Variants in AK9 observed in about 807,000 individuals in gnomAD.
AK9 encodes adenylate kinase 9.
Under a neutral mutation model 239.6 loss-of-function variants are expected in AK9, and 191 were observed. That is an observed-to-expected ratio of 0.80 (90% CI 0.71 to 0.90). The LOEUF is 0.90. Ranked by LOEUF, AK9 falls within the 40% of genes least tolerant of loss-of-function variation. The probability of loss-of-function intolerance (pLI) is 0.00; values close to 1 mark genes in which losing one functional copy is unlikely to be tolerated. For synonymous variants in AK9, 689 were observed against 721.0 expected (o/e 0.96, Z 0.71); for missense variants, 1,995 against 2,214.7 (o/e 0.90, Z 1.99).
intron 29 of AK9, among the ~76,000 whole-genome samples, chr6:109,525,308 C>T (rs753606404): frequency 6.6e-6 from 1 of 152,226 alleles, no homozygotes; most frequent in Middle Eastern, 3.4e-3. Context: ...CAAAAATTGA[C>T]AAGTGGGACC....
At chr6:109,640,140 T>G (rs1021881533) in intron 10 of AK9, among the ~76,000 whole-genome samples, 1 of 152,212 alleles carries the variant, frequency 6.6e-6, no homozygotes, top group Admixed American at 6.5e-5. Flanking sequence ...GGCTCTTTTT[T>G]GGTTCCATAT....
chr6:109,689,371 C>T (rs930847365), intron 1 of AK9, among the ~76,000 whole-genome samples: 11 of 152,130 alleles, frequency 7.2e-5, no homozygotes, highest in African/African-American at 2.7e-4. Flanking sequence ...TTTCTATGCA[C>T]GACCAGCCCA....
chr6:109,564,887 CATT>C, intron 21 of AK9, 42 bp from the exon 22 acceptor site: 1 of 1,403,036 alleles, frequency 7.1e-7, no homozygotes, highest in Non-Finnish European at 9.6e-7. Context: ...AATTTGAAAA[CATT>C]ATTCCTTTAT....
At chr6:109,555,376 C>T (rs1467325792) in intron 24 of AK9, among the ~76,000 whole-genome samples, 1 of 152,118 alleles carries the variant, frequency 6.6e-6, no homozygotes, top group African/African-American at 2.4e-5. Context: ...ATCTGAGAGA[C>T]TGTTTGTTAT....
At chr6:109,522,692 T>C (rs1322416580) in intron 29 of AK9, among the ~76,000 whole-genome samples, 1 of 152,196 alleles carries the variant, frequency 6.6e-6, no homozygotes, top group Non-Finnish European at 1.5e-5. Flanking sequence ...TGTTTTATGA[T>C]CAATTGTTCT....
chr6:109,612,399 C>T (rs990225819), intron 15 of AK9, among the ~76,000 whole-genome samples: 2 of 152,088 alleles, frequency 1.3e-5, no homozygotes, highest in African/African-American at 2.4e-5. Context: ...GATGTGCTTA[C>T]CTCAGAGACA....
chr6:109,599,817 AT>A (rs1200565792), intron 17 of AK9, among the ~76,000 whole-genome samples: 1 of 152,026 alleles, frequency 6.6e-6, no homozygotes, highest in Admixed American at 6.6e-5. Context: ...ATTCCTAGGT[AT>A]TTTATTCTCT....
intron 2 of AK9, 37 bp downstream of exon 2, chr6:109,675,592 T>TAAA (rs753132545): frequency 1.6e-5 from 20 of 1,255,332 alleles, no homozygotes; most frequent in Non-Finnish European, 2.0e-5. Context: ...ATTTTAAAAA[T>TAAA]AAAAAAAATT....
At chr6:109,536,688 C>G (rs1041270096) in intron 27 of AK9, among the ~76,000 whole-genome samples, 11 of 152,140 alleles carry the variant, frequency 7.2e-5, no homozygotes, top group Non-Finnish European at 1.5e-4. Context: ...TGCCAGTTTT[C>G]AAAGGGAATG....
chr6:109,622,990 CT>C (rs1213379170), intron 12 of AK9, among the ~76,000 whole-genome samples: 2 of 152,074 alleles, frequency 1.3e-5, no homozygotes, highest in Admixed American at 6.6e-5. Context: ...AATCTTTTAA[CT>C]GTTACAATGA....
intron 27 of AK9, among the ~76,000 whole-genome samples, chr6:109,539,285 G>A (rs1190910041): frequency 6.6e-6 from 1 of 152,076 alleles, no homozygotes; most frequent in African/African-American, 2.4e-5. Flanking sequence ...CATATTTCTT[G>A]GAGGCTTTGT....
intron 29 of AK9, among the ~76,000 whole-genome samples, chr6:109,524,241 G>C (rs1271466248): frequency 2.0e-5 from 3 of 151,970 alleles, no homozygotes; most frequent in African/African-American, 7.3e-5. Context: ...AAAAATTGTT[G>C]GTTGGGCTTA....
At chr6:109,594,604 C>T (rs114873013) in intron 17 of AK9, among the ~76,000 whole-genome samples, 3,169 of 152,282 alleles carry the variant, frequency 0.021, 100 homozygotes, top group African/African-American at 0.073. Flanking sequence ...TTCCTGACTT[C>T]AAACTATACT....
chr6:109,513,154 T>G (rs1778924355), intron 32 of AK9, among the ~76,000 whole-genome samples: 1 of 152,220 alleles, frequency 6.6e-6, no homozygotes, highest in Non-Finnish European at 1.5e-5. Flanking sequence ...CATGAGCCAC[T>G]GTGCCTAGTA....
intron 20 of AK9, among the ~76,000 whole-genome samples, chr6:109,576,160 T>C (rs966933678): frequency 1.3e-5 from 2 of 152,158 alleles, no homozygotes; most frequent in African/African-American, 2.4e-5. Context: ...GTGGGATCTT[T>C]TTGTGTTCCA....
chr6:109,603,906 C>G (rs1056188099), intron 17 of AK9, among the ~76,000 whole-genome samples: 1 of 152,184 alleles, frequency 6.6e-6, no homozygotes, highest in East Asian at 1.9e-4. Context: ...GTGCCATTTG[C>G]TAAGACCATT....
intron 17 of AK9, among the ~76,000 whole-genome samples, chr6:109,601,885 C>T (rs1792036963): frequency 6.6e-6 from 1 of 152,160 alleles, no homozygotes; most frequent in Non-Finnish European, 1.5e-5. Context: ...TTATCAGAGA[C>T]TAGGATTGCA....
At chr6:109,527,360 C>T (rs1430375757) in intron 29 of AK9, among the ~76,000 whole-genome samples, 1 of 152,146 alleles carries the variant, frequency 6.6e-6, no homozygotes, top group Non-Finnish European at 1.5e-5. Flanking sequence ...CAGGGATTCC[C>T]CAGTTAGTCT....
intron 21 of AK9, among the ~76,000 whole-genome samples, chr6:109,565,910 G>A (rs1464853142): frequency 6.6e-6 from 1 of 152,156 alleles, no homozygotes; most frequent in African/African-American, 2.4e-5. Flanking sequence ...CAATAGAGCA[G>A]GAAGTAGAAG....
Sources: allele counts gnomAD v4.1 joint callset (sites outside exome capture counted in the v4.1 genomes callset), GRCh38; gene constraint gnomAD v4.1.1; transcripts MANE v1.5; gene names NCBI Gene and HGNC (gene_info 2026-07-23, HGNC 2026-07-21).